Variants in SORBS2 observed in about 807,000 individuals in gnomAD.
The protein encoded by SORBS2 is sorbin and SH3 domain containing 2.
Under a neutral mutation model 97.7 loss-of-function variants are expected in SORBS2, and 46 were observed. That is an observed-to-expected ratio of 0.47 (90% CI 0.37 to 0.60). The LOEUF is 0.60. Among genes scored for constraint, SORBS2 ranks in the 20% least tolerant of loss-of-function variants. The probability of loss-of-function intolerance (pLI) is 0.00; values close to 1 mark genes in which losing one functional copy is unlikely to be tolerated. For synonymous variants in SORBS2, 476 were observed against 473.4 expected, an observed-to-expected ratio of 1.01 and a Z score of -0.07; for missense variants, 1,316 against 1,282.3, an observed-to-expected ratio of 1.03 and a Z score of -0.40.
intron 1 of SORBS2, among the ~76,000 whole-genome samples, chr4:185,886,565 AAAAAAAAAGAAAAG>A (rs1233237463): frequency 8.9e-5 from 13 of 145,556 alleles, no homozygotes; most frequent in African/African-American, 1.7e-4. Context: ...AAAAAAAAAA[AAAAAAAAAGAAAAG>A]AAAAAAAAAA....
intron 1 of SORBS2, among the ~76,000 whole-genome samples, chr4:185,778,509 C>T (rs1469134838): frequency 1.3e-5 from 2 of 152,090 alleles, no homozygotes; most frequent in Non-Finnish European, 2.9e-5. Flanking sequence ...CACAACATCC[C>T]CAGGCTGCGT....
rs189768833 is a variant in SORBS2 at position 185,833,636 on chromosome 4, C to T, written c.-337-58270G>A. Among the ~76,000 whole-genome samples the T allele has an allele frequency of 7.9e-5, 12 of 152,304 alleles. No individual in the cohort carries two copies. The East Asian group carries it at 2.3e-3, about 29-fold the overall frequency. ...AAAATTACATAACTATGGGATTCATCATATTTCTCCATATGAAAAATGGGA... is the reference window on the plus strand; with the variant it reads ...AAAATTACATAACTATGGGATTCATTATATTTCTCCATATGAAAAATGGGA... On this transcript the variant is annotated intron_variant, in intron 1 of 20. Coordinates refer to the SORBS2 transcript ENST00000284776.
intron 6 of SORBS2, 51 bp from the exon 19 acceptor site, chr4:185,624,545 AG>A (rs2096777489): frequency 6.5e-7 from 1 of 1,528,096 alleles, no homozygotes; most frequent in Non-Finnish European, 8.7e-7. Context: ...AGAAGTTAAA[AG>A]GTTCACAAAG....
intron 6 of SORBS2, among the ~76,000 whole-genome samples, chr4:185,626,522 T>A (rs912241542): frequency 3.9e-5 from 6 of 152,264 alleles, no homozygotes; most frequent in Non-Finnish European, 5.9e-5. Flanking sequence ...TATATGTCAA[T>A]GTTTACAAAA....
In SORBS2 at chr4:185,950,779, C is replaced by T. The variant is rs551567237; in HGVS notation, c.-338+5417G>A. Among the ~76,000 whole-genome samples the T allele has an allele frequency of 2.3e-4, 35 of 152,228 alleles. No individual in the cohort carries two copies. The Middle Eastern group carries it at 0.01, about 44-fold the overall frequency. On this transcript the variant is annotated intron_variant, in intron 1 of 20. Transcript: ENST00000284776. ...ACAGGCTGAATATTCCTTAGAGAGA[C>T]ACTTTGGAAATCGCACTATGGCCTG...
Position 185,722,669 on chromosome 4 carries a change from G to A in SORBS2, c.-197-43847C>T, listed in dbSNP as rs561547693. On this transcript the variant is annotated intron_variant, in intron 2 of 20. Coordinates refer to the SORBS2 transcript ENST00000284776. ...GAGTCTTGTTTGAAGAGCCCATAAG[G>A]AACCTCCTCCTTCACACCCATACTC... 2.6e-5 allele frequency among the ~76,000 whole-genome samples: 4 copies of A among 152,092 alleles called. No homozygotes were observed. The South Asian group carries it at 8.3e-4, about 32-fold the overall frequency.
rs116299474 is a variant in SORBS2, at chr4:185,711,957, C to T, written c.-197-33135G>A. Among the ~76,000 whole-genome samples the T allele has an allele frequency of 2.9e-3, 435 of 152,180 alleles. 3 individuals carry two copies. The highest frequency in any genetic ancestry group is 0.01 in the African/African-American group (418 of 41,518). On this transcript the variant is annotated intron_variant, in intron 2 of 20. Transcript: ENST00000284776. The stretch of plus-strand genomic sequence containing the variant: ...CATCACCATTTTGCTTGTCCAGCCC[C>T]AAAACACTGACATCATATTTGACTC...
At chr4:185,618,450 A>G in intron 9 of SORBS2, 135 bp downstream of exon 21, 1 of 443,024 alleles carries the variant, frequency 2.3e-6, no homozygotes, top group Non-Finnish European at 4.1e-6. Context: ...TGAAGGAACC[A>G]TTTAATTAGA....
rs903717161 is a variant in SORBS2, at chr4:185,879,053, G to C, written c.-338+77143C>G. ...TTTAATTATTATACTTTAAGTTCTA[G>C]GGTACATGTGCACAACGTGCAGGTT... On this transcript the variant is annotated intron_variant, in intron 1 of 20. Coordinates refer to the SORBS2 transcript ENST00000284776. Among the ~76,000 whole-genome samples, 33 of 152,116 alleles carry C rather than the reference G, an allele frequency of 2.2e-4. 1 individual carries two copies. The highest frequency in any genetic ancestry group is 7.7e-4 in the East Asian group (4 of 5,184).
chr4:185,684,610 C>A lies in SORBS2; in HGVS notation c.-197-5788G>T. 1.7e-6 allele frequency: 1 copy of A among 603,318 alleles called. No homozygotes were observed. The allele number at this position is 603,318 out of a possible 1,614,324, so 37.4% of individuals were successfully genotyped here. Reference sequence around the variant, plus strand: ...TCGCAGTTACTCAACCTATTTTTGGCAAGTGACTGCTGTTTTTAATTACAC... The same window carrying A: ...TCGCAGTTACTCAACCTATTTTTGGAAAGTGACTGCTGTTTTTAATTACAC... On this transcript the variant is annotated intron_variant, in intron 2 of 20. Transcript: ENST00000284776. The surrounding 1 kb of genome is among the most constrained non-coding windows in gnomAD (Gnocchi z 4.2).
intron 2 of SORBS2, among the ~76,000 whole-genome samples, chr4:185,651,226 A>G (rs2153460359): frequency 6.6e-6 from 1 of 152,306 alleles, no homozygotes; most frequent in East Asian, 1.9e-4. Context: ...CCTGCACGAG[A>G]TACCAAGGCT....
chr4:185,915,706 C>T (rs978198011), intron 1 of SORBS2, among the ~76,000 whole-genome samples: 5 of 151,964 alleles, frequency 3.3e-5, no homozygotes, highest in Non-Finnish European at 4.4e-5. Flanking sequence ...CCTTCTGCCC[C>T]CCACCCCCAG....
intron 9 of SORBS2, 31 bp downstream of exon 21, chr4:185,618,554 A>G: frequency 7.6e-7 from 1 of 1,313,150 alleles, no homozygotes; most frequent in Non-Finnish European, 1.0e-6. Context: ...AAACCACCTT[A>G]AATCATATGA....
At chr4:185,859,471 T>C (rs1405812298) in intron 1 of SORBS2, among the ~76,000 whole-genome samples, 1 of 152,184 alleles carries the variant, frequency 6.6e-6, no homozygotes, top group Admixed American at 6.5e-5. Flanking sequence ...AACTCCAGCC[T>C]TTGCCAGTCT....
chr4:185,843,076 G>A (rs1267648858), intron 1 of SORBS2, among the ~76,000 whole-genome samples: 1 of 152,154 alleles, frequency 6.6e-6, no homozygotes, highest in African/African-American at 2.4e-5. Flanking sequence ...TACACCATGA[G>A]TATATGCAAT....
At chr4:185,719,094 C>T (rs2098490022) in intron 2 of SORBS2, among the ~76,000 whole-genome samples, 1 of 151,978 alleles carries the variant, frequency 6.6e-6, no homozygotes, top group African/African-American at 2.4e-5. Context: ...AATCGGTGTA[C>T]CTGTTCTCTG....
intron 4 of SORBS2, among the ~76,000 whole-genome samples, chr4:185,673,891 C>T (rs1194462933): frequency 2.0e-5 from 3 of 152,204 alleles, no homozygotes; most frequent in Admixed American, 1.3e-4. Context: ...TCTTTCCACA[C>T]ATTTTCCTCA....
At chr4:185,882,531 C>G (rs2099237392) in intron 1 of SORBS2, among the ~76,000 whole-genome samples, 1 of 152,136 alleles carries the variant, frequency 6.6e-6, no homozygotes, top group Non-Finnish European at 1.5e-5. Context: ...CCTGTAGACT[C>G]AATGTAATTC....
At position 185,762,776 on chromosome 4, in the gene SORBS2, T is replaced by C. The variant is rs138364311; in HGVS notation, c.-198+12451A>G. Among the ~76,000 whole-genome samples, 51 of 152,360 alleles carry C rather than the reference T, an allele frequency of 3.3e-4. 1 individual carries two copies. Among genetic ancestry groups the C allele is most frequent in the African/African-American group, 1.2e-3 (48 of 41,584 alleles). Reference sequence around the variant, plus strand: ...GTGTCATTTCTCTCAGTGTGTTTATTATTATTTAAATATATTTATATGCTT... The same window carrying C: ...GTGTCATTTCTCTCAGTGTGTTTATCATTATTTAAATATATTTATATGCTT... On this transcript the variant is annotated intron_variant, in intron 2 of 20. Transcript: ENST00000284776.
Sources: allele counts gnomAD v4.1 joint callset (sites outside exome capture counted in the v4.1 genomes callset), GRCh38; gene constraint gnomAD v4.1.1; non-coding constraint Gnocchi (gnomAD v3.1); transcripts MANE v1.5; gene names NCBI Gene and HGNC (gene_info 2026-07-23, HGNC 2026-07-21).